Variants in GABRA2 observed in about 807,000 individuals in gnomAD.
GABRA2 encodes gamma-aminobutyric acid type A receptor subunit alpha2.
In GABRA2, 16 loss-of-function variants were observed where a neutral mutation model predicts 48.7. The ratio of observed to expected loss-of-function variants is 0.33; its 90% confidence interval spans 0.22 to 0.50. GABRA2 has a LOEUF of 0.50. Ranked by LOEUF, GABRA2 falls within the 20% of genes least tolerant of loss-of-function variation. The pLI, the probability that GABRA2 is intolerant of heterozygous loss-of-function variation, is 0.98. For synonymous variants in GABRA2, 185 were observed against 184.5 expected, an observed-to-expected ratio of 1.00 and a Z score of -0.02; for missense variants, 275 against 535.6, an observed-to-expected ratio of 0.51 and a Z score of 4.80.
At chr4:46,334,664 A>G (rs750059300) in intron 3 of GABRA2, among the ~76,000 whole-genome samples, 17 of 152,288 alleles carry the variant, frequency 1.1e-4, no homozygotes, top group Non-Finnish European at 1.9e-4. Flanking sequence ...CCTAGTGGCT[A>G]TAGGGAGGTG....
chr4:46,247,927 T>C lies in GABRA2; in HGVS notation c.*2381A>G, dbSNP rs1714016546. ...AACAAAGAATTCTGATCCCTAGCAC[T>C]GAAAAATCTGAACTGCCAGAATGTC... On this transcript the variant is annotated 3_prime_UTR_variant, in exon 10 of 10. Transcript: ENST00000381620. 6.6e-6 allele frequency among the ~76,000 whole-genome samples: 1 copy of C among 151,142 alleles called. No individual in the cohort carries two copies. The highest frequency in any genetic ancestry group is 2.1e-4 in the South Asian group (1 of 4,826).
At chr4:46,359,426 C>T (rs759783040) in intron 3 of GABRA2, among the ~76,000 whole-genome samples, 5 of 151,868 alleles carry the variant, frequency 3.3e-5, no homozygotes, top group African/African-American at 9.7e-5. Context: ...TACTATCAGC[C>T]CCTTCTAAAA....
At chr4:46,362,469 A>C (rs1454909446) in intron 3 of GABRA2, among the ~76,000 whole-genome samples, 1 of 152,218 alleles carries the variant, frequency 6.6e-6, no homozygotes, top group East Asian at 1.9e-4. Flanking sequence ...TGTCTTTATC[A>C]GCAGCGTGAA....
intron 3 of GABRA2, among the ~76,000 whole-genome samples, chr4:46,347,631 A>G (rs1482868520): frequency 6.6e-6 from 1 of 151,972 alleles, no homozygotes; most frequent in Non-Finnish European, 1.5e-5. Context: ...ACTCTAAACT[A>G]TCAAACTACC....
intron 3 of GABRA2, among the ~76,000 whole-genome samples, chr4:46,377,362 A>G (rs1419712946): frequency 6.8e-6 from 1 of 146,082 alleles, no homozygotes; most frequent in Non-Finnish European, 1.5e-5. Flanking sequence ...ATCGTCTGAG[A>G]TGTGGGGAGC....
At chr4:46,291,776 C>CACATATATATATATATATATATAT (rs1553906974) in intron 8 of GABRA2, among the ~76,000 whole-genome samples, 11 of 144,804 alleles carry the variant, frequency 7.6e-5, no homozygotes, top group African/African-American at 2.6e-4. Context: ...TAAACACACA[C>CACATATATATATATATATATATAT]ATATATATAT....
chr4:46,389,157 A>G, intron 1 of GABRA2: 1 of 989,790 alleles, frequency 1.0e-6, no homozygotes, highest in Non-Finnish European at 1.2e-6. Flanking sequence ...CAACCCCCTC[A>G]ACCAAGACCA....
At chr4:46,324,822 G>T (rs139090566) in intron 4 of GABRA2, among the ~76,000 whole-genome samples, 10 of 151,500 alleles carry the variant, frequency 6.6e-5, no homozygotes, top group African/African-American at 2.2e-4. Context: ...TGTCATATTT[G>T]GTTTTCTGTT....
Position 46,354,388 on chromosome 4 carries a change from A to G in GABRA2, c.188-21706T>C, listed in dbSNP as rs183958888. ...CTGGACTGAGAAGCATAAAGTAATT[A>G]TCAAAAAATATGTTATTCCAGAATC... On this transcript the variant is annotated intron_variant, in intron 3 of 9. Coordinates refer to ENST00000381620, the MANE Select transcript of GABRA2 (RefSeq NM_000807.4). Among the ~76,000 whole-genome samples the G allele has an allele frequency of 3.9e-5, 6 of 152,346 alleles. No individual in the cohort carries two copies. In the East Asian group the frequency reaches 9.6e-4, roughly 24 times the overall value.
chr4:46,288,949 G>GA (rs1178909097), intron 8 of GABRA2, among the ~76,000 whole-genome samples: 9 of 151,748 alleles, frequency 5.9e-5, no homozygotes, highest in Admixed American at 1.3e-4. Context: ...ACAATCATAT[G>GA]AAAAAAACTT....
At chr4:46,331,607 A>G (rs1731376656) in intron 4 of GABRA2, among the ~76,000 whole-genome samples, 1 of 152,196 alleles carries the variant, frequency 6.6e-6, no homozygotes, top group Non-Finnish European at 1.5e-5. Context: ...GTTAGCAGTA[A>G]AAGTGAAGGA....
At chr4:46,291,624 C>T (rs1723641183) in intron 8 of GABRA2, among the ~76,000 whole-genome samples, 1 of 152,028 alleles carries the variant, frequency 6.6e-6, no homozygotes, top group Admixed American at 6.6e-5. Context: ...ATATTTCGCC[C>T]AGGCTGAACA....
intron 9 of GABRA2, among the ~76,000 whole-genome samples, chr4:46,258,477 T>C (rs1228299372): frequency 6.6e-6 from 1 of 151,826 alleles, no homozygotes; most frequent in Non-Finnish European, 1.5e-5. Flanking sequence ...GTGTTGCAGA[T>C]ATTCATGCAA....
chr4:46,359,220 C>T (rs937131123), intron 3 of GABRA2, among the ~76,000 whole-genome samples: 5 of 152,120 alleles, frequency 3.3e-5, no homozygotes, highest in South Asian at 2.1e-4. Context: ...GGGAGATACT[C>T]TTAAACTAAA....
chr4:46,298,418 T>G (rs139316164), intron 8 of GABRA2, among the ~76,000 whole-genome samples: 1 of 152,030 alleles, frequency 6.6e-6, no homozygotes, highest in Non-Finnish European at 1.5e-5. Flanking sequence ...TGGGTGTATG[T>G]GGGCTTTGTT....
chr4:46,336,578 T>C (rs1424616336), intron 3 of GABRA2, among the ~76,000 whole-genome samples: 1 of 152,184 alleles, frequency 6.6e-6, no homozygotes, highest in African/African-American at 2.4e-5. Context: ...GGATGTTCTG[T>C]ACAGATTTCT....
intron 3 of GABRA2, among the ~76,000 whole-genome samples, chr4:46,362,811 G>C (rs1713424405): frequency 1.3e-5 from 2 of 152,182 alleles, no homozygotes; most frequent in South Asian, 4.1e-4. Context: ...AATGGCAAAA[G>C]ATAGTAAAGT....
At chr4:46,341,243 T>C (rs904243369) in intron 3 of GABRA2, among the ~76,000 whole-genome samples, 12 of 152,094 alleles carry the variant, frequency 7.9e-5, no homozygotes, top group African/African-American at 2.7e-4. Context: ...GGACAACTTA[T>C]ATTGATTCCA....
At chr4:46,341,448 T>G (rs1480113099) in intron 3 of GABRA2, among the ~76,000 whole-genome samples, 1 of 152,080 alleles carries the variant, frequency 6.6e-6, no homozygotes, top group Non-Finnish European at 1.5e-5. Flanking sequence ...GCTGTTGCTA[T>G]TTTTTGTTTA....
Sources: allele counts gnomAD v4.1 joint callset (sites outside exome capture counted in the v4.1 genomes callset), GRCh38; gene constraint gnomAD v4.1.1; transcripts MANE v1.5; gene names NCBI Gene and HGNC (gene_info 2026-07-23, HGNC 2026-07-21).